Variants in PALLD observed in about 807,000 individuals in gnomAD.
PALLD encodes the protein palladin, cytoskeletal associated protein.
In PALLD, 61 loss-of-function variants were observed where a neutral mutation model predicts 123.5. That is an observed-to-expected ratio of 0.49 (90% CI 0.40 to 0.61). The LOEUF (loss-of-function observed/expected upper bound fraction) is 0.61, where lower values mean the gene tolerates loss of function less well. Among genes scored for constraint, PALLD ranks in the 20% least tolerant of loss-of-function variants. The pLI is 0.00. For synonymous variants in PALLD, 465 were observed against 496.4 expected (o/e 0.94, Z 0.84); for missense variants, 1,273 against 1,377.0 (o/e 0.92, Z 1.20).
chr4:168,670,319 A>T (rs916222384), intron 3 of PALLD, among the ~76,000 whole-genome samples: 1 of 152,272 alleles, frequency 6.6e-6, no homozygotes, highest in African/African-American at 2.4e-5. Context: ...ACTTAATTTA[A>T]CCAACATTTA....
intron 2 of PALLD, among the ~76,000 whole-genome samples, chr4:168,610,453 G>A (rs1198488087): frequency 3.3e-5 from 5 of 152,312 alleles, no homozygotes; most frequent in African/African-American, 1.2e-4. Flanking sequence ...TAGGGACTTC[G>A]TCGAAGGTTG....
intron 9 of PALLD, among the ~76,000 whole-genome samples, chr4:168,711,274 T>A (rs1406770027): frequency 6.6e-6 from 1 of 152,270 alleles, no homozygotes; most frequent in African/African-American, 2.4e-5. Flanking sequence ...TTGATACTGT[T>A]TGTGTTGTCA....
At chr4:168,711,257 T>C (rs368289487) in intron 9 of PALLD, among the ~76,000 whole-genome samples, 2 of 152,200 alleles carry the variant, frequency 1.3e-5, no homozygotes, top group African/African-American at 2.4e-5. Flanking sequence ...GGACAAAGCA[T>C]TGTTGGTTGA....
chr4:168,816,933 A>G (rs1340177931), intron 10 of PALLD, among the ~76,000 whole-genome samples: 1 of 150,398 alleles, frequency 6.6e-6, no homozygotes, highest in African/African-American at 2.5e-5. Flanking sequence ...GCTTGGCAGA[A>G]TGTTTGAACA....
chr4:168,706,758 AT>A (rs1469676678), intron 8 of PALLD, among the ~76,000 whole-genome samples: 3 of 152,222 alleles, frequency 2.0e-5, no homozygotes, highest in Non-Finnish European at 1.5e-5. Flanking sequence ...ATACAAAAAA[AT>A]AGATATATAT....
intron 3 of PALLD, among the ~76,000 whole-genome samples, chr4:168,679,147 G>A (rs1379766243): frequency 8.0e-6 from 1 of 125,776 alleles, no homozygotes; most frequent in Non-Finnish European, 1.7e-5. Flanking sequence ...TGGATGTGGT[G>A]TGTGGGGGGT....
intron 2 of PALLD, among the ~76,000 whole-genome samples, chr4:168,638,994 C>T (rs1302489069): frequency 3.3e-5 from 5 of 152,154 alleles, no homozygotes; most frequent in Non-Finnish European, 5.9e-5. Flanking sequence ...TTCTCTTCCC[C>T]ACCTTTCTCT....
intron 2 of PALLD, among the ~76,000 whole-genome samples, chr4:168,580,284 A>G (rs931120715): frequency 6.6e-6 from 1 of 150,908 alleles, no homozygotes; most frequent in African/African-American, 2.4e-5. Flanking sequence ...CATTTTCTTT[A>G]TCCATGCATC....
chr4:168,565,704 T>C (rs530445762), intron 2 of PALLD, among the ~76,000 whole-genome samples: 70 of 152,260 alleles, frequency 4.6e-4, no homozygotes, highest in African/African-American at 1.7e-3. Context: ...TGCTTCATGG[T>C]ATTACTAGTT....
rs374410647 is a variant in PALLD at position 168,593,500 on chromosome 4, A to G, written c.909-74690A>G. On this transcript the variant is annotated intron_variant, in intron 2 of 21. Transcript: ENST00000505667. ...AGTTCAGCTTTGAAATTCAGACCAAAAGCACATGCTCTCTTCTACGTGCAA... is the reference window on the plus strand; with the variant it reads ...AGTTCAGCTTTGAAATTCAGACCAAGAGCACATGCTCTCTTCTACGTGCAA... Among the ~76,000 whole-genome samples the G allele has an allele frequency of 1.2e-3, 178 of 151,668 alleles. 1 individual carries two copies. The highest frequency in any genetic ancestry group is 4.2e-3 in the African/African-American group (174 of 41,338).
In PALLD at chr4:168,924,277, T is replaced by C. The variant is rs1762158041; in HGVS notation, c.3081T>C (p.Pro1027=). The change falls in exon 19 of 22, where the codon CCT becomes CCC. Residue 1027 remains proline, a synonymous_variant. Transcript: ENST00000505667. Reference sequence around the variant, plus strand: ...TAGCTAAAGAAGCACACAAACCCCCTGTGTTTATTGAGAAGCTCCAAAACA... The same window carrying C: ...TAGCTAAAGAAGCACACAAACCCCCCGTGTTTATTGAGAAGCTCCAAAACA... ...VVAAKEAHKP[P]VFIEKLQNTG... is the part of the protein sequence containing the mutation. 6.2e-7 allele frequency: 1 copy of C among 1,613,888 alleles called. No homozygotes were observed. The highest frequency in any genetic ancestry group is 8.5e-7 in the Non-Finnish European group (1 of 1,179,896).
chr4:168,731,496 G>T (rs72984658), intron 10 of PALLD, among the ~76,000 whole-genome samples: 1 of 152,200 alleles, frequency 6.6e-6, no homozygotes, highest in African/African-American at 2.4e-5. Context: ...GTGTGGTCAC[G>T]TGAAATAATG....
At chr4:168,593,805 A>AT (rs1443028858) in intron 2 of PALLD, among the ~76,000 whole-genome samples, 4 of 152,210 alleles carry the variant, frequency 2.6e-5, no homozygotes, top group Admixed American at 6.5e-5. Flanking sequence ...CAACTTGGTT[A>AT]TGTTGGGTGT....
intron 1 of PALLD, among the ~76,000 whole-genome samples, chr4:168,499,640 C>T (rs1348687621): frequency 6.6e-6 from 1 of 151,958 alleles, no homozygotes; most frequent in African/African-American, 2.4e-5. Flanking sequence ...CCTGCATGTC[C>T]CACCTTTCAA....
At chr4:168,541,584 G>A (rs145239518) in intron 2 of PALLD, among the ~76,000 whole-genome samples, 10,718 of 151,994 alleles carry the variant, frequency 0.071, 686 homozygotes, top group African/African-American at 0.16. Flanking sequence ...CTGAGTAGCT[G>A]GGATTACAGG....
chr4:168,588,055 G>A (rs149642620), intron 2 of PALLD, among the ~76,000 whole-genome samples: 9 of 152,170 alleles, frequency 5.9e-5, no homozygotes, highest in Non-Finnish European at 8.8e-5. Context: ...GCTAACTGGC[G>A]CTCTTGGATC....
At chr4:168,793,074 T>C (rs974985578) in intron 10 of PALLD, among the ~76,000 whole-genome samples, 1 of 151,394 alleles carries the variant, frequency 6.6e-6, no homozygotes, top group South Asian at 2.1e-4. Flanking sequence ...ATGTGCGTAA[T>C]ACATGTATGT....
chr4:168,917,049 G>GGT lies in PALLD; in HGVS notation c.2850+1022_2850+1023insGT, dbSNP rs1491537610. The stretch of plus-strand genomic sequence containing the variant: ...CAGCAGGGCTTTTTGTTTTTTTGGG[G>GGT]TTTTTTTTTTTTTTTTTGAGACGGA... On this transcript the variant is annotated intron_variant, in intron 17 of 21. Transcript: ENST00000505667. 5.8e-3 allele frequency among the ~76,000 whole-genome samples: 723 copies of GGT among 124,762 alleles called. 25 individuals carry two copies. The highest frequency in any genetic ancestry group is 7.3e-3 in the Non-Finnish European group (431 of 59,362). 81.8% of individuals were successfully genotyped at this position (124,762 alleles called of 152,430 possible).
intron 2 of PALLD, among the ~76,000 whole-genome samples, chr4:168,517,178 T>G (rs1443489591): frequency 6.6e-6 from 1 of 152,154 alleles, no homozygotes; most frequent in Non-Finnish European, 1.5e-5. Context: ...AAAGTTATTA[T>G]TCAGAAAATA....
Sources: gnomAD v4.1 joint callset for allele counts (sites outside exome capture counted in the v4.1 genomes callset) on GRCh38, gnomAD v4.1.1 for gene constraint, MANE v1.5 for transcripts, NCBI Gene and HGNC (gene_info 2026-07-23, HGNC 2026-07-21) for gene names.